FOXN3: variants seen among roughly 807,000 people sequenced by gnomAD.
The protein encoded by FOXN3 is forkhead box N3.
FOXN3 carries 7 observed loss-of-function variants against 38.4 expected under a neutral mutation model. That is an observed-to-expected ratio of 0.18 (90% CI 0.10 to 0.34). FOXN3 has a LOEUF of 0.34. Ranked by LOEUF, FOXN3 falls within the 10% of genes least tolerant of loss-of-function variation. The pLI is 1.00. For synonymous variants in FOXN3, 230 were observed against 242.2 expected, an observed-to-expected ratio of 0.95 and a Z score of 0.47; for missense variants, 456 against 613.4, an observed-to-expected ratio of 0.74 and a Z score of 2.71.
At chr14:89,467,800 C>CTTTCTTTTTTTTTTTTTT (rs1383456566) in intron 1 of FOXN3, among the ~76,000 whole-genome samples, 1 of 57,896 alleles carries the variant, frequency 1.7e-5, no homozygotes, top group African/African-American at 5.3e-5. Context: ...TCTTTTCTTT[C>CTTTCTTTTTTTTTTTTTT]TTTGTTTTTT....
chr14:89,408,616 G>T (rs1891453129), intron 2 of FOXN3, among the ~76,000 whole-genome samples: 1 of 149,644 alleles, frequency 6.7e-6, no homozygotes, highest in Non-Finnish European at 1.5e-5. Context: ...CAACATCCCA[G>T]CCAAACAGTT....
chr14:89,227,505 G>A (rs973635751), intron 4 of FOXN3, among the ~76,000 whole-genome samples: 1 of 152,054 alleles, frequency 6.6e-6, no homozygotes, highest in Non-Finnish European at 1.5e-5. Flanking sequence ...TATAATAGTC[G>A]GTGAACTCAT....
In FOXN3 at chr14:89,563,205, C is replaced by G. The variant is rs182646791; in HGVS notation, c.-15+55823G>C. On this transcript the variant is annotated intron_variant, in intron 1 of 6. Transcript: ENST00000345097. ...ATGACTTTCTATAAGCCAGGACTGT[C>G]TTACATGCTTTATTAAATTAATCCT... 3.9e-5 allele frequency among the ~76,000 whole-genome samples: 6 copies of G among 152,344 alleles called. No homozygotes were observed. In the East Asian group the frequency reaches 1.2e-3, roughly 29 times the overall value.
chr14:89,523,909 T>G (rs1344224645), intron 1 of FOXN3, among the ~76,000 whole-genome samples: 1 of 151,840 alleles, frequency 6.6e-6, no homozygotes, highest in Non-Finnish European at 1.5e-5. Context: ...ATTACAGGTG[T>G]GCGCCACCAT....
rs528431225 is a variant in FOXN3, at chr14:89,203,166, A to G, written c.746-22360T>C. On this transcript the variant is annotated intron_variant, in intron 4 of 5. Transcript: ENST00000557258. ...ACTATTTACAGCCCATCAAGTAATC[A>G]GTTACAGATCCCCAGCAATAGGTAC... 3.4e-4 allele frequency among the ~76,000 whole-genome samples: 52 copies of G among 152,260 alleles called. 1 individual carries two copies. Among genetic ancestry groups the G allele is most frequent in the African/African-American group, 1.2e-3 (51 of 41,544 alleles).
At chr14:89,206,305 G>C (rs1413160957) in intron 4 of FOXN3, among the ~76,000 whole-genome samples, 1 of 152,190 alleles carries the variant, frequency 6.6e-6, no homozygotes, top group Non-Finnish European at 1.5e-5. Context: ...TTTAAAGGAG[G>C]TGAGCTCGGG....
chr14:89,318,199 C>T (rs1167982592), intron 3 of FOXN3, among the ~76,000 whole-genome samples: 1 of 128,380 alleles, frequency 7.8e-6, no homozygotes, highest in African/African-American at 3.1e-5. Flanking sequence ...ACTCATGTTG[C>T]CCAGGCTGGA....
intron 1 of FOXN3, among the ~76,000 whole-genome samples, chr14:89,567,924 G>A (rs948652343): frequency 3.3e-5 from 5 of 151,730 alleles, no homozygotes; most frequent in East Asian, 1.9e-4. Context: ...GGGTTTCACC[G>A]TGTTAGCCAG....
chr14:89,356,055 G>C (rs1280479521), intron 2 of FOXN3, among the ~76,000 whole-genome samples: 2 of 147,590 alleles, frequency 1.4e-5, no homozygotes, highest in Non-Finnish European at 3.0e-5. Context: ...GAAAAAAAAA[G>C]AAAAAAGAAA....
intron 2 of FOXN3, among the ~76,000 whole-genome samples, chr14:89,365,455 G>T (rs1294506503): frequency 6.6e-6 from 1 of 152,020 alleles, no homozygotes; most frequent in Non-Finnish European, 1.5e-5. Flanking sequence ...ATAAAGAAAA[G>T]GAAACAGAAA....
At chr14:89,284,185 T>A (rs10137100) in intron 3 of FOXN3, among the ~76,000 whole-genome samples, 76,583 of 151,792 alleles carry the variant, frequency 0.5, 19,957 homozygotes, top group East Asian at 0.66. Context: ...TTTTTTTTTT[T>A]AATTTTTTTA....
At chr14:89,607,961 C>T (rs1896306934) in intron 1 of FOXN3, among the ~76,000 whole-genome samples, 1 of 149,276 alleles carries the variant, frequency 6.7e-6, no homozygotes, top group Non-Finnish European at 1.5e-5. Context: ...GGACTACAGG[C>T]ATGCGCCACA....
At chr14:89,519,212 G>A (rs758231255) in intron 1 of FOXN3, among the ~76,000 whole-genome samples, 11 of 152,158 alleles carry the variant, frequency 7.2e-5, no homozygotes, top group African/African-American at 1.4e-4. Flanking sequence ...CTACAAGCCG[G>A]GGAATCCCAG....
intron 3 of FOXN3, among the ~76,000 whole-genome samples, chr14:89,297,584 T>C (rs909668603): frequency 1.4e-5 from 2 of 145,778 alleles, no homozygotes; most frequent in Non-Finnish European, 3.1e-5. Context: ...AAATTAAACA[T>C]AGGAATGCCA....
At chr14:89,237,692 A>AC (rs1885019775) in intron 4 of FOXN3, among the ~76,000 whole-genome samples, 1 of 151,764 alleles carries the variant, frequency 6.6e-6, no homozygotes, top group African/African-American at 2.4e-5. Flanking sequence ...AAAACTGACC[A>AC]CCCCTCCCCC....
intron 3 of FOXN3, among the ~76,000 whole-genome samples, chr14:89,316,046 T>A (rs1365490394): frequency 1.3e-5 from 2 of 152,166 alleles, no homozygotes; most frequent in Non-Finnish European, 2.9e-5. Flanking sequence ...ACCCACACCC[T>A]CCTGTGGTCC....
intron 4 of FOXN3, among the ~76,000 whole-genome samples, chr14:89,205,678 T>C (rs1362501816): frequency 6.6e-6 from 1 of 152,224 alleles, no homozygotes; most frequent in African/African-American, 2.4e-5. Flanking sequence ...ACCTCTGTGA[T>C]AAGGCAGAGA....
At chr14:89,280,756 C>T (rs558192369) in intron 4 of FOXN3, among the ~76,000 whole-genome samples, 194 bp downstream of exon 4, 23 of 152,104 alleles carry the variant, frequency 1.5e-4, no homozygotes, top group African/African-American at 3.1e-4. Flanking sequence ...TGATTCACAG[C>T]GACCGAGAAG....
chr14:89,288,794 A>C (rs1886762834), intron 3 of FOXN3, among the ~76,000 whole-genome samples: 1 of 141,710 alleles, frequency 7.1e-6, no homozygotes, highest in Non-Finnish European at 1.5e-5. Flanking sequence ...CGTAAGCATT[A>C]TACTATAATT....
Sources: allele counts gnomAD v4.1 joint callset (sites outside exome capture counted in the v4.1 genomes callset), GRCh38; gene constraint gnomAD v4.1.1; transcripts MANE v1.5; gene names NCBI Gene and HGNC (gene_info 2026-07-23, HGNC 2026-07-21).